The following IGFN1 variants were observed in gnomAD, a reference collection of about 807,000 sequenced individuals.
IGFN1 encodes immunoglobulin like and fibronectin type III domain containing 1, also known as immunoglobulin-like and fibronectin type III domain-containing protein 1.
A neutral mutation model predicts 289.5 loss-of-function variants in IGFN1; 253 were observed. The ratio of observed to expected loss-of-function variants is 0.87; its 90% CI spans 0.79 to 0.97. The LOEUF (loss-of-function observed/expected upper bound fraction) is 0.97, where lower values mean the gene tolerates loss of function less well. Ranked by LOEUF, IGFN1 falls within the 50% of genes least tolerant of loss-of-function variation. The pLI, the probability that IGFN1 is intolerant of heterozygous loss-of-function variation, is 0.00. For synonymous variants in IGFN1, 1,706 were observed against 1,788.5 expected (o/e 0.95, Z 1.16); for missense variants, 4,470 against 4,686.1 (o/e 0.95, Z 1.35).
intron 22 of IGFN1, among the ~76,000 whole-genome samples, 187 bp downstream of exon 22, chr1:201,226,310 C>G (rs1410955831): frequency 3.4e-5 from 3 of 87,294 alleles, no homozygotes; most frequent in Non-Finnish European, 6.6e-5. Flanking sequence ...CCCACCTGTT[C>G]TGGCATCCTC....
intron 8 of IGFN1, among the ~76,000 whole-genome samples, chr1:201,201,500 C>T (rs1667156538): frequency 6.6e-6 from 1 of 152,172 alleles, no homozygotes; most frequent in African/African-American, 2.4e-5. Context: ...AGCAACTGAA[C>T]ACCTGGGGTC....
At position 201,211,798 on chromosome 1, in the gene IGFN1, C is replaced by T. The variant is rs1172706416; in HGVS notation, c.6905C>T (p.Ala2302Val). ...GSGRNPLGSE[A>V]GSRGSLEDSG... is the part of the protein sequence containing the mutation. ...GGGAGGAATCCATTAGGGAGCGAGG[C>T]AGGTTCTAGGGGTAGTTTGGAGGAT... The change falls in exon 12 of 24, where the codon GCA (alanine) becomes GTA (valine). Residue 2302 changes from alanine to valine, a missense_variant. Around this residue, in one of 8 missense-constraint regions of IGFN1, gnomAD observed 2,218 missense variants for 2,114.1 expected, o/e 1.05. Transcript: ENST00000335211. 7 of 1,536,632 alleles carry T rather than the reference C, an allele frequency of 4.6e-6. No individual in the cohort carries two copies. Among genetic ancestry groups the T allele is most frequent in the Non-Finnish European group, 5.2e-6 (6 of 1,146,744 alleles).
chr1:201,215,457 C>T, intron 14 of IGFN1, 82 bp from the exon 15 acceptor site: 3 of 1,308,652 alleles, frequency 2.3e-6, no homozygotes, highest in Non-Finnish European at 3.2e-6. Context: ...TTCCCCCAAA[C>T]TTCCTTCTCT....
Position 201,226,110 on chromosome 1 carries a change from C to G in IGFN1, c.10773C>G (p.Ile3591Met). ...CGGACACCAGCCAGCCCTGGTGCATCCCCCGGCAGCGCGGTAAGCAGCCCC... is the reference window on the plus strand; with the variant it reads ...CGGACACCAGCCAGCCCTGGTGCATGCCCCGGCAGCGCGGTAAGCAGCCCC... ...KPSDTSQPWC[I>M]PRQRDRFTVK... Residue 3591 changes from isoleucine to methionine, a missense_variant, in exon 22 of 24, where the codon ATC (isoleucine) becomes ATG (methionine). Physicochemically the swap from Ile to Met is conservative, Grantham distance 10. Around this residue, in one of 8 missense-constraint regions of IGFN1, gnomAD observed 2,218 missense variants for 2,114.1 expected, o/e 1.05. Coordinates refer to ENST00000335211, the MANE Select transcript of IGFN1 (RefSeq NM_001164586.2). The G allele has an allele frequency of 6.3e-7, 1 of 1,594,114 alleles. No homozygotes were observed.
rs560062107 is a variant in IGFN1, at chr1:201,212,164, C to A, written c.7271C>A (p.Pro2424His). ...GATGGGGCAGGACCTGGGGTGGAAC[C>A]TGGGATGGCTGGAATGCCAGGCACT... is the stretch of plus-strand genomic sequence containing the variant. ...LVDGAGPGVE[P>H]GMAGMPGTAG... Residue 2424 changes from proline (P) to histidine (H), a missense_variant, in exon 12 of 24, where the codon CCT (proline) becomes CAT (histidine). Pro to His is a moderately conservative substitution (Grantham distance 77). Around this residue, in one of 8 missense-constraint regions of IGFN1, gnomAD observed 2,218 missense variants for 2,114.1 expected, o/e 1.05. Coordinates refer to ENST00000335211, the MANE Select transcript of IGFN1 (RefSeq NM_001164586.2). The A allele has an allele frequency of 6.5e-7, 1 of 1,535,960 alleles. No homozygotes were observed. The highest frequency in any genetic ancestry group is 1.4e-5 in the African/African-American group (1 of 73,094).
In IGFN1 at chr1:201,215,713, A is replaced by C. The variant is rs1653197994; in HGVS notation, c.9170A>C (p.Asp3057Ala). ...VGSSDREAQV[D>A]LGDGYTRLCL... ...AGCAGTGACAGGGAGGCCCAGGTGG[A>C]CCTGGGGGATGGCTACACGCGGCTG... Residue 3057 changes from aspartate to alanine, a missense_variant, in exon 15 of 24, where the codon GAC becomes GCC. This residue lies in a region of IGFN1 where 2,218 missense variants were observed against 2,114.1 expected (regional missense o/e 1.05). Transcript: ENST00000335211. 1.2e-6 allele frequency: 2 copies of C among 1,613,098 alleles called. No homozygotes were observed. The highest frequency in any genetic ancestry group is 1.7e-6 in the Non-Finnish European group (2 of 1,179,636).
At chr1:201,223,532 G>A (rs1026798433) in intron 20 of IGFN1, among the ~76,000 whole-genome samples, 96 of 152,080 alleles carry the variant, frequency 6.3e-4, no homozygotes, top group African/African-American at 2.0e-3. Flanking sequence ...CATCACGCCC[G>A]GCTAATTTTT....
At chr1:201,191,194 C>T (rs953596408) in intron 1 of IGFN1, among the ~76,000 whole-genome samples, 8 of 152,128 alleles carry the variant, frequency 5.3e-5, no homozygotes, top group African/African-American at 1.9e-4. Context: ...GATACGATGA[C>T]CAGATTAAAA....
At chr1:201,222,853 G>T (rs1571494988) in intron 20 of IGFN1, 26 bp downstream of exon 20, 1 of 1,567,030 alleles carries the variant, frequency 6.4e-7, no homozygotes, top group African/African-American at 1.3e-5. Flanking sequence ...GGGGTGTGGG[G>T]AGGGAAGCCC....
chr1:201,208,396 C>A lies in IGFN1; in HGVS notation c.3503C>A (p.Thr1168Lys). 6.9e-7 allele frequency: 1 copy of A among 1,453,078 alleles called. No homozygotes were observed. Among genetic ancestry groups the A allele is most frequent in the Non-Finnish European group, 9.0e-7 (1 of 1,111,412 alleles). The allele number at this position is 1,453,078 out of a possible 1,614,324, so 90.0% of individuals were successfully genotyped here. A position where few individuals can be genotyped will look rare whatever the true frequency, so the allele number is the denominator to read the frequency against. ...AGCAAAGTGGGTGAGGGGGATGGGA[C>A]AAGATGCCCTGGTGCTAAGGCCTCT... ...AGSKVGEGDG[T>K]RCPGAKASGA... The change falls in exon 12 of 24, where the codon ACA becomes AAA. Residue 1168 changes from threonine (T) to lysine (K), a missense_variant. Around this residue, in one of 8 missense-constraint regions of IGFN1, gnomAD observed 2,011 missense variants for 1,953.4 expected, o/e 1.03. Coordinates refer to ENST00000335211, the MANE Select transcript of IGFN1 (RefSeq NM_001164586.2).
At position 201,208,048 on chromosome 1, in the gene IGFN1, A is replaced by G. The variant is rs1188926048; in HGVS notation, c.3155A>G (p.Asn1052Ser). ...GSGGPDGAPM[N>S]DTRNWASACQ... The stretch of plus-strand genomic sequence containing the variant: ...GGTGGTCCTGATGGAGCACCCATGA[A>G]TGACACCAGGAATTGGGCCTCTGCA... The change falls in exon 12 of 24, where the codon AAT (asparagine) becomes AGT (serine). Residue 1052 changes from asparagine to serine, a missense_variant. Asn to Ser is a conservative substitution (Grantham distance 46). Around this residue, in one of 8 missense-constraint regions of IGFN1, gnomAD observed 2,011 missense variants for 1,953.4 expected, o/e 1.03. Coordinates refer to ENST00000335211, the MANE Select transcript of IGFN1 (RefSeq NM_001164586.2). The G allele has an allele frequency of 5.2e-6, 8 of 1,536,968 alleles. No individual in the cohort carries two copies. Among genetic ancestry groups the G allele is most frequent in the South Asian group, 4.8e-5 (4 of 84,052 alleles).
rs780783906 is a variant in IGFN1, at chr1:201,213,364, G to C, written c.8471G>C (p.Gly2824Ala). The C allele has an allele frequency of 7.4e-5, 120 of 1,611,710 alleles. No individual in the cohort carries two copies. The highest frequency in any genetic ancestry group is 9.8e-5 in the Non-Finnish European group (116 of 1,178,968). ...SLRSRSQAQSGAEVGGGKRRG... is the reference protein window; with the variant it reads ...SLRSRSQAQSAAEVGGGKRRG... ...AGGAGCAGGTCTCAGGCACAGTCAG[G>C]GGCTGAGGTTGGAGGAGGAAAGAGA... The change falls in exon 12 of 24, where the codon GGG becomes GCG. Residue 2824 changes from glycine (G) to alanine (A), a missense_variant. By Grantham distance (60) the Gly-to-Ala change is moderately conservative. Coordinates refer to ENST00000335211, the MANE Select transcript of IGFN1 (RefSeq NM_001164586.2).
chr1:201,211,895 AG>A lies in IGFN1; in HGVS notation c.7005del (p.Ser2336ValfsTer39). Reference sequence around the variant, plus strand: ...TTGGGGGAACTAGTGGCATGGGGTCAGGGAGTGAGGTCAGTTATAGAGGAGG... The same window carrying A: ...TTGGGGGAACTAGTGGCATGGGGTCAGGAGTGAGGTCAGTTATAGAGGAGG... The part of the protein sequence containing the change: ...GFGGTSGMGS[G>X]SEVSYRGGSG... On this transcript the variant is annotated frameshift_variant, in exon 12 of 24. Coordinates refer to ENST00000335211, the MANE Select transcript of IGFN1 (RefSeq NM_001164586.2). LOFTEE classifies it high-confidence loss of function. The A allele has an allele frequency of 6.5e-7, 1 of 1,529,756 alleles. No individual in the cohort carries two copies. The highest frequency in any genetic ancestry group is 8.7e-7 in the Non-Finnish European group (1 of 1,143,076). The allele number at this position is 1,529,756 out of a possible 1,614,324, so 94.8% of individuals were successfully genotyped here. A position where few individuals can be genotyped will look rare whatever the true frequency, so the allele number is the denominator to read the frequency against.
At chr1:201,216,785 G>T in intron 16 of IGFN1, 32 bp downstream of exon 16, 1 of 1,542,762 alleles carries the variant, frequency 6.5e-7, no homozygotes, top group South Asian at 1.2e-5. Context: ...GGGGGTGGGG[G>T]ACACTCCTGG....
intron 14 of IGFN1, 81 bp from the exon 15 acceptor site, chr1:201,215,458 T>C: frequency 1.5e-6 from 2 of 1,315,102 alleles, no homozygotes; most frequent in Non-Finnish European, 2.1e-6. Flanking sequence ...TCCCCCAAAC[T>C]TCCTTCTCTG....
At position 201,203,761 on chromosome 1, in the gene IGFN1, C is replaced by T. The variant is rs2102328917; in HGVS notation, c.771C>T (p.Gly257=). 2 of 1,551,830 alleles carry T rather than the reference C, an allele frequency of 1.3e-6. No homozygotes were observed. The highest frequency in any genetic ancestry group is 4.9e-5 in the East Asian group (2 of 40,930). The change falls in exon 10 of 24, where the codon GGC becomes GGT. Residue 257 remains glycine, a synonymous_variant. Transcript: ENST00000335211. ...LYKDGEMIPY[G]FNNQTKHCLR... is the part of the protein sequence containing the mutation. Reference sequence around the variant, plus strand: ...AGGATGGTGAGATGATCCCCTATGGCTTCAACAACCAAACCAAGCACTGTC... The same window carrying T: ...AGGATGGTGAGATGATCCCCTATGGTTTCAACAACCAAACCAAGCACTGTC...
chr1:201,222,530 G>A, intron 19 of IGFN1: 1 of 460,638 alleles, frequency 2.2e-6, no homozygotes, highest in South Asian at 4.3e-5. Context: ...TCCCTCCCCC[G>A]CTAGCATCTC....
chr1:201,225,934 G>T lies in IGFN1; in HGVS notation c.10597G>T (p.Ala3533Ser), dbSNP rs368059583. Residue 3533 changes from alanine to serine, a missense_variant, in exon 22 of 24, where the codon GCG (alanine) becomes TCG (serine). Ala to Ser is a moderately conservative substitution (Grantham distance 99). Coordinates refer to ENST00000335211, the MANE Select transcript of IGFN1 (RefSeq NM_001164586.2). ...GGCCCAGGATGTCCCGCTGCACTACGCGGTGTTCACACGCTCCTCAGCGCA... is the reference window on the plus strand; with the variant it reads ...GGCCCAGGATGTCCCGCTGCACTACTCGGTGTTCACACGCTCCTCAGCGCA... ...DEAQDVPLHY[A>S]VFTRSSAHGP... 1.2e-6 allele frequency: 2 copies of T among 1,604,206 alleles called. No homozygotes were observed. The highest frequency in any genetic ancestry group is 2.7e-5 in the African/African-American group (2 of 74,774).
Position 201,208,194 on chromosome 1 carries a change from G to C in IGFN1, c.3301G>C (p.Gly1101Arg), listed in dbSNP as rs1667526966. The C allele has an allele frequency of 1.3e-6, 2 of 1,536,982 alleles. No homozygotes were observed. Among genetic ancestry groups the C allele is most frequent in the East Asian group, 2.4e-5 (1 of 40,910 alleles). The stretch of plus-strand genomic sequence containing the variant: ...GGCCCCTGGAGTAGTGGAGACTGTT[G>C]GGATGGGATGTGTGGAAGCAGAACC... ...LKAPGVVETVGMGCVEAEPES... is the reference protein window; with the variant it reads ...LKAPGVVETVRMGCVEAEPES... The change falls in exon 12 of 24, where the codon GGG becomes CGG. Residue 1101 changes from glycine to arginine, a missense_variant. This residue lies in a region of IGFN1 where 2,011 missense variants were observed against 1,953.4 expected (regional missense o/e 1.03). Coordinates refer to ENST00000335211, the MANE Select transcript of IGFN1 (RefSeq NM_001164586.2).
Sources: gnomAD v4.1 joint callset for allele counts (sites outside exome capture counted in the v4.1 genomes callset) on GRCh38, gnomAD v4.1.1 for gene constraint, gnomAD v4.1.1 regional missense constraint, MANE v1.5 for transcripts, NCBI Gene and HGNC (gene_info 2026-07-23, HGNC 2026-07-21) for gene names.